ATP8B4: variants seen among roughly 807,000 people sequenced by gnomAD.
The protein encoded by ATP8B4 is probable phospholipid-transporting ATPase IM.
A neutral mutation model predicts 145.6 loss-of-function variants in ATP8B4; 133 were observed. That is an observed-to-expected ratio of 0.91 (90% CI 0.79 to 1.05). The LOEUF (loss-of-function observed/expected upper bound fraction) is 1.05. ATP8B4 is among the 50% of genes least tolerant of loss of function. The pLI is 0.00. For synonymous variants in ATP8B4, 507 were observed against 492.9 expected (o/e 1.03, Z -0.38); for missense variants, 1,458 against 1,425.2 (o/e 1.02, Z -0.37).
intron 15 of ATP8B4, among the ~76,000 whole-genome samples, chr15:49,932,229 TA>T (rs1330676853): frequency 6.6e-6 from 1 of 151,916 alleles, no homozygotes; most frequent in Admixed American, 6.6e-5. Context: ...ACAAATCACC[TA>T]AATATCTAGA....
chr15:50,010,699 T>A (rs1421311014), intron 7 of ATP8B4, 146 bp downstream of exon 7: 1 of 488,844 alleles, frequency 2.0e-6, no homozygotes, highest in Non-Finnish European at 3.4e-6. Context: ...TTTTAAAATA[T>A]TTTATAATTG....
At chr15:49,869,899 T>C (rs984182227) in intron 25 of ATP8B4, among the ~76,000 whole-genome samples, 1 of 152,188 alleles carries the variant, frequency 6.6e-6, no homozygotes, top group Non-Finnish European at 1.5e-5. Context: ...TATGGCAATA[T>C]TTATGAAAAT....
At chr15:50,078,978 C>T (rs1158207464) in intron 2 of ATP8B4, among the ~76,000 whole-genome samples, 1 of 152,148 alleles carries the variant, frequency 6.6e-6, no homozygotes, top group East Asian at 1.9e-4. Context: ...TACAAAACAG[C>T]TACTCAAGAA....
chr15:50,169,279 G>GC (rs1435779467), intron 1 of ATP8B4, among the ~76,000 whole-genome samples: 3 of 150,814 alleles, frequency 2.0e-5, no homozygotes, highest in African/African-American at 4.9e-5. Flanking sequence ...GGAGTCCATT[G>GC]CAGCCTCCAC....
At chr15:49,943,885 A>G (rs2153479942) in intron 14 of ATP8B4, among the ~76,000 whole-genome samples, 1 of 152,358 alleles carries the variant, frequency 6.6e-6, no homozygotes, top group South Asian at 2.1e-4. Context: ...CTGACAGACC[A>G]AACTATTTAA....
At chr15:50,120,377 A>G (rs183900771), upstream of ATP8B4, among the ~76,000 whole-genome samples, 45 of 152,358 alleles carry the variant, frequency 3.0e-4, no homozygotes, top group African/African-American at 1.1e-3. Flanking sequence ...TCTCTTTAAA[A>G]TATTTAAAAT....
intron 6 of ATP8B4, among the ~76,000 whole-genome samples, chr15:50,037,280 A>G (rs569799721): frequency 5.3e-5 from 8 of 152,348 alleles, no homozygotes; most frequent in African/African-American, 1.9e-4. Flanking sequence ...TGAGAAAGGA[A>G]CGTATTAACA....
intron 1 of ATP8B4, among the ~76,000 whole-genome samples, chr15:50,161,217 G>C (rs906966845): frequency 6.6e-6 from 1 of 152,078 alleles, no homozygotes; most frequent in Admixed American, 6.5e-5. Flanking sequence ...CATTGGCATG[G>C]AGTATCTTTT....
At chr15:50,074,104 T>C (rs2054023179) in intron 3 of ATP8B4, 23 bp downstream of exon 3, 2 of 1,600,116 alleles carry the variant, frequency 1.2e-6, no homozygotes, top group Admixed American at 3.4e-5. Context: ...CTAGTACGTA[T>C]GTGTTATGTG....
At chr15:49,908,980 G>T (rs1054610348) in intron 20 of ATP8B4, among the ~76,000 whole-genome samples, 1 of 152,086 alleles carries the variant, frequency 6.6e-6, no homozygotes, top group Non-Finnish European at 1.5e-5. Flanking sequence ...CAGCCAGCAC[G>T]GCCAGAGTGC....
At chr15:49,879,029 C>T (rs1353456560) in intron 24 of ATP8B4, among the ~76,000 whole-genome samples, 2 of 152,114 alleles carry the variant, frequency 1.3e-5, no homozygotes, top group Non-Finnish European at 2.9e-5. Context: ...TTAATAGGTG[C>T]TATATGAAAA....
rs140908883 is a variant in ATP8B4 at position 50,179,242 on chromosome 15, G to C, written c.-43+3019C>G. Among the ~76,000 whole-genome samples the C allele has an allele frequency of 1.0e-3, 155 of 152,342 alleles. 1 individual carries two copies. The highest frequency in any genetic ancestry group is 1.9e-3 in the Non-Finnish European group (128 of 68,024). Reference sequence around the variant, plus strand: ...TGTCAATTGAGTGTAGTGAAAGCTTGAGTGAGATTCAGAAGAGCCAGAAAA... The same window carrying C: ...TGTCAATTGAGTGTAGTGAAAGCTTCAGTGAGATTCAGAAGAGCCAGAAAA... On this transcript the variant is annotated intron_variant, in intron 1 of 3. Coordinates refer to the ATP8B4 transcript ENST00000558829.
intron 6 of ATP8B4, among the ~76,000 whole-genome samples, chr15:50,015,481 T>C (rs770010033): frequency 4.6e-5 from 7 of 152,214 alleles, no homozygotes; most frequent in Non-Finnish European, 8.8e-5. Flanking sequence ...TTAATACATC[T>C]ATATTTATTG....
chr15:49,940,649 G>A (rs2042097158), intron 14 of ATP8B4, among the ~76,000 whole-genome samples: 1 of 152,298 alleles, frequency 6.6e-6, no homozygotes, highest in African/African-American at 2.4e-5. Context: ...CCATATGGCT[G>A]AAGTATCTGG....
chr15:50,078,109 G>T (rs1450384771), intron 2 of ATP8B4, among the ~76,000 whole-genome samples: 3 of 151,918 alleles, frequency 2.0e-5, no homozygotes, highest in Non-Finnish European at 4.4e-5. Flanking sequence ...AAGGGGATTG[G>T]TTTCTCTTTT....
intron 1 of ATP8B4, among the ~76,000 whole-genome samples, chr15:50,139,755 C>G (rs28630999): frequency 0.016 from 2,445 of 152,266 alleles, 67 homozygotes; most frequent in African/African-American, 0.056. Context: ...AATTCACTGA[C>G]TATCCTGGAA....
rs923255049 is a variant in ATP8B4 at position 49,870,930 on chromosome 15, C to T, written c.3028-4446G>A. Among the ~76,000 whole-genome samples the T allele has an allele frequency of 2.6e-5, 4 of 152,240 alleles. No individual in the cohort carries two copies. The South Asian group carries it at 6.2e-4, about 24-fold the overall frequency. On this transcript the variant is annotated intron_variant, in intron 25 of 27. Coordinates refer to ENST00000284509, the MANE Select transcript of ATP8B4 (RefSeq NM_024837.4). ...TGTCATCTATTAACCGTTTGTCTCCCATGTTAGCCAAGGGTGATACTGGTA... is the reference window on the plus strand; with the variant it reads ...TGTCATCTATTAACCGTTTGTCTCCTATGTTAGCCAAGGGTGATACTGGTA...
In ATP8B4 at chr15:49,981,240, C is replaced by T. The variant is rs2046128082; in HGVS notation, c.803G>A (p.Ser268Asn). The stretch of plus-strand genomic sequence containing the variant: ...TAGAGTATTCATCAATCTATCAATG[C>T]TTGTCCTTTTAAACTTTGTCTTACC... ...NSGKTKFKRT[S>N]IDRLMNTLVL... Residue 268 changes from serine to asparagine, a missense_variant, in exon 11 of 28, where the codon AGC (serine) becomes AAC (asparagine). Physicochemically the swap from Ser to Asn is conservative, Grantham distance 46 (BLOSUM62 1). Transcript: ENST00000284509. The T allele has an allele frequency of 1.2e-6, 2 of 1,610,672 alleles. No homozygotes were observed. Among genetic ancestry groups the T allele is most frequent in the Non-Finnish European group, 8.5e-7 (1 of 1,178,678 alleles).
rs566389796 is a variant in ATP8B4 at position 49,967,092 on chromosome 15, T to G, written c.1244-5072A>C. Among the ~76,000 whole-genome samples, 10 of 151,976 alleles carry G rather than the reference T, an allele frequency of 6.6e-5. No individual in the cohort carries two copies. The South Asian group carries it at 1.0e-3, about 16-fold the overall frequency. On this transcript the variant is annotated intron_variant, in intron 13 of 27. Transcript: ENST00000284509. ...AGCATCAACATCAACAAAAAGGACA[T>G]CCACACAAAACGCCATCTGAAGGTC...
Sources: gnomAD v4.1 joint callset for allele counts (sites outside exome capture counted in the v4.1 genomes callset) on GRCh38, gnomAD v4.1.1 for gene constraint, MANE v1.5 for transcripts, NCBI Gene and HGNC (gene_info 2026-07-23, HGNC 2026-07-21) for gene names.